The following CCDC175 variants were observed in gnomAD, a reference collection of about 807,000 sequenced individuals.
The protein encoded by CCDC175 is coiled-coil domain-containing protein 175.
A neutral mutation model predicts 114.6 loss-of-function variants in CCDC175; 100 were observed. That is an observed-to-expected ratio of 0.87 (90% CI 0.74 to 1.03). The LOEUF is 1.03. CCDC175 is among the 50% of genes least tolerant of loss of function. CCDC175 has a pLI of 0.00. For missense variants in CCDC175, 880 were observed against 917.8 expected, an observed-to-expected ratio of 0.96 and a Z score of 0.53; for synonymous variants, 306 against 308.7, an observed-to-expected ratio of 0.99 and a Z score of 0.09.
At chr14:59,540,815 C>T in intron 10 of CCDC175, 69 bp from the exon 11 acceptor site, 1 of 1,285,984 alleles carries the variant, frequency 7.8e-7, no homozygotes, top group Non-Finnish European at 1.1e-6. Context: ...ACTCTATACG[C>T]ATAATTTGTA....
intron 17 of CCDC175, among the ~76,000 whole-genome samples, chr14:59,514,259 C>T (rs532920331): frequency 1.3e-5 from 2 of 152,130 alleles, no homozygotes; most frequent in East Asian, 3.9e-4. Context: ...ATCAGAGTGC[C>T]TCTCTTCCTC....
chr14:59,544,087 A>G (rs1894954859), intron 9 of CCDC175, among the ~76,000 whole-genome samples: 1 of 152,248 alleles, frequency 6.6e-6, no homozygotes, highest in Non-Finnish European at 1.5e-5. Context: ...AATGAGAATT[A>G]CAATGCCTAG....
intron 17 of CCDC175, among the ~76,000 whole-genome samples, chr14:59,514,418 A>C (rs1218422679): frequency 6.6e-6 from 1 of 152,328 alleles, no homozygotes; most frequent in South Asian, 2.1e-4. Flanking sequence ...AAAACCTTGA[A>C]AAAAAATTAG....
chr14:59,556,865 A>G (rs1306150419), intron 7 of CCDC175, among the ~76,000 whole-genome samples: 1 of 152,222 alleles, frequency 6.6e-6, no homozygotes, highest in African/African-American at 2.4e-5. Flanking sequence ...ACATGAAAAA[A>G]TGCTCATCAT....
At chr14:59,540,598 A>C in intron 11 of CCDC175, 77 bp downstream of exon 11, 1 of 1,416,900 alleles carries the variant, frequency 7.1e-7, no homozygotes, top group Non-Finnish European at 9.5e-7. Flanking sequence ...AGTACTCTGC[A>C]CTGTTCATTA....
intron 8 of CCDC175, among the ~76,000 whole-genome samples, chr14:59,549,339 C>A (rs905592762): frequency 1.3e-5 from 2 of 152,144 alleles, no homozygotes; most frequent in Non-Finnish European, 2.9e-5. Flanking sequence ...CATAAAGCGA[C>A]CTGTCTCTGC....
Position 59,551,347 on chromosome 14 carries a change from CT to C in CCDC175, c.1035+7del. On this transcript the variant is annotated splice_region_variant and intron_variant, in intron 8 of 19. Coordinates refer to ENST00000537690, the MANE Select transcript of CCDC175 (RefSeq NM_001164399.2). ...ATAATGTAAAAGTCATGACTTCTGC[CT>C]TCTTACCTGTTTTATCTTGTTCAGG... 1 of 1,256,322 alleles carries C rather than the reference CT, an allele frequency of 8.0e-7. No individual in the cohort carries two copies. Among genetic ancestry groups the C allele is most frequent in the Non-Finnish European group, 1.1e-6 (1 of 932,952 alleles). The allele number at this position is 1,256,322 out of a possible 1,614,324, so 77.8% of individuals were successfully genotyped here. A position where few individuals can be genotyped will look rare whatever the true frequency, so the allele number is the denominator to read the frequency against.
At chr14:59,517,357 T>C (rs1273137554) in intron 17 of CCDC175, among the ~76,000 whole-genome samples, 1 of 152,166 alleles carries the variant, frequency 6.6e-6, no homozygotes, top group African/African-American at 2.4e-5. Context: ...GGGTATTCAA[T>C]TAGCAAAAGA....
At chr14:59,540,648 C>CT (rs34112354) in intron 11 of CCDC175, 27 bp downstream of exon 11, 138,937 of 1,068,564 alleles carry the variant, frequency 0.13, 581 homozygotes, top group East Asian at 0.14. Context: ...CACAAATAAA[C>CT]TTTTTTTTTT....
At chr14:59,568,095 C>A (rs1051153406) in intron 4 of CCDC175, 150 bp downstream of exon 4, 4 of 657,932 alleles carry the variant, frequency 6.1e-6, no homozygotes, top group Non-Finnish European at 9.4e-6. Context: ...CCTTCCCTAC[C>A]CCATCAGCCT....
intron 17 of CCDC175, among the ~76,000 whole-genome samples, chr14:59,514,167 C>G (rs373624878): frequency 6.6e-6 from 1 of 152,132 alleles, no homozygotes; most frequent in African/African-American, 2.4e-5. Context: ...CCCATCTGTA[C>G]GTCACCATCA....
chr14:59,547,298 G>T (rs1895172913), intron 8 of CCDC175, among the ~76,000 whole-genome samples: 1 of 152,120 alleles, frequency 6.6e-6, no homozygotes, highest in South Asian at 2.1e-4. Context: ...GTGAAAATGT[G>T]AAACCCTCTT....
In CCDC175 at chr14:59,576,617, AC is replaced by A. The variant is rs1054586838; in HGVS notation, c.157+1del. The stretch of plus-strand genomic sequence containing the variant: ...CCTTCCAGCGCCCGAGGGGCGTCTT[AC>A]CCACAACAAACAGCTGCTCCAGCGC... On this transcript the variant is annotated splice_donor_variant, in intron 1 of 19. Coordinates refer to ENST00000537690, the MANE Select transcript of CCDC175 (RefSeq NM_001164399.2). LOFTEE classifies it high-confidence loss of function. 24 of 1,455,306 alleles carry A rather than the reference AC, an allele frequency of 1.6e-5. No homozygotes were observed. The highest frequency in any genetic ancestry group is 1.5e-4 in the African/African-American group (10 of 67,712). The allele number at this position is 1,455,306 out of a possible 1,614,324, so 90.1% of individuals were successfully genotyped here. A position where few individuals can be genotyped will look rare whatever the true frequency, so the allele number is the denominator to read the frequency against.
chr14:59,528,648 A>G lies in CCDC175; in HGVS notation c.1763-1474T>C, dbSNP rs539264818. On this transcript the variant is annotated intron_variant, in intron 14 of 19. Coordinates refer to ENST00000537690, the MANE Select transcript of CCDC175 (RefSeq NM_001164399.2). ...AAATTTTAACTCTTTAGATCATTAT[A>G]ATAATGTAAGCATTATTCACTGATT... 3.3e-5 allele frequency among the ~76,000 whole-genome samples: 5 copies of G among 152,280 alleles called. No individual in the cohort carries two copies. The East Asian group carries it at 9.6e-4, about 29-fold the overall frequency.
At chr14:59,576,570 G>A (rs1000918894) in intron 1 of CCDC175, 49 bp downstream of exon 1, 14 of 1,366,590 alleles carry the variant, frequency 1.0e-5, no homozygotes, top group Non-Finnish European at 1.3e-5. Flanking sequence ...TGCCTCCTAA[G>A]CGCCACCTCT....
chr14:59,553,483 A>T (rs1432679765), intron 7 of CCDC175, among the ~76,000 whole-genome samples: 3 of 152,248 alleles, frequency 2.0e-5, no homozygotes, highest in Admixed American at 2.0e-4. Context: ...ATGGAAAGGA[A>T]GAACCGGCAC....
intron 17 of CCDC175, among the ~76,000 whole-genome samples, chr14:59,518,533 A>T (rs1893239785): frequency 6.6e-6 from 1 of 152,266 alleles, no homozygotes; most frequent in Non-Finnish European, 1.5e-5. Flanking sequence ...TTCTCAAAAG[A>T]AGACATTTAT....
chr14:59,507,871 C>CT (rs967964210), intron 19 of CCDC175, among the ~76,000 whole-genome samples: 3 of 152,284 alleles, frequency 2.0e-5, no homozygotes, highest in African/African-American at 7.2e-5. Context: ...AGCTGAAGGC[C>CT]TGTGGGATGT....
intron 3 of CCDC175, among the ~76,000 whole-genome samples, chr14:59,571,115 A>T (rs1896822507): frequency 6.7e-6 from 1 of 150,232 alleles, no homozygotes; most frequent in African/African-American, 2.5e-5. Context: ...GGAGAAATAA[A>T]GTTTGACCCT....
Sources: gnomAD v4.1 joint callset for allele counts (sites outside exome capture counted in the v4.1 genomes callset) on GRCh38, gnomAD v4.1.1 for gene constraint, MANE v1.5 for transcripts, NCBI Gene and HGNC (gene_info 2026-07-23, HGNC 2026-07-21) for gene names.